ANO2: variants seen among roughly 807,000 people sequenced by gnomAD.
The protein encoded by ANO2 is anoctamin 2.
ANO2 carries 101 observed loss-of-function variants against 124.2 expected under a neutral mutation model. That is an observed-to-expected ratio of 0.81 (90% CI 0.69 to 0.96). The LOEUF is 0.96. ANO2 is among the 40% of genes least tolerant of loss of function. ANO2 has a pLI of 0.00. For synonymous variants in ANO2, 486 were observed against 482.5 expected (o/e 1.01, Z -0.09); for missense variants, 1,293 against 1,274.5 (o/e 1.01, Z -0.22).
Position 5,563,161 on chromosome 12 carries a change from T to C in ANO2, c.*138A>G. On this transcript the variant is annotated 3_prime_UTR_variant, in exon 25 of 25. Transcript: ENST00000682330. Reference sequence around the variant, plus strand: ...CTCATTCTGTCAGGCTCTTTCTTTTTACACACTGCCCCCTCTTCAAGACCC... The same window carrying C: ...CTCATTCTGTCAGGCTCTTTCTTTTCACACACTGCCCCCTCTTCAAGACCC... The C allele has an allele frequency of 8.5e-7, 1 of 1,169,818 alleles. No individual in the cohort carries two copies. The highest frequency in any genetic ancestry group is 1.2e-6 in the Non-Finnish European group (1 of 856,804). 72.5% of individuals were successfully genotyped at this position (1,169,818 alleles called of 1,614,324 possible). A position where few individuals can be genotyped will look rare whatever the true frequency, so the allele number is the denominator to read the frequency against.
At chr12:5,698,664 T>C (rs1327312363) in intron 14 of ANO2, among the ~76,000 whole-genome samples, 1 of 152,192 alleles carries the variant, frequency 6.6e-6, no homozygotes, top group Non-Finnish European at 1.5e-5. Context: ...AAGGAGGATG[T>C]TCGAACCCGT....
intron 14 of ANO2, among the ~76,000 whole-genome samples, chr12:5,663,487 T>A (rs541687090): frequency 6.6e-6 from 1 of 152,086 alleles, no homozygotes. Context: ...GGTCTTAGCA[T>A]TGGAGAGCAG....
intron 3 of ANO2, among the ~76,000 whole-genome samples, chr12:5,887,872 T>TGA (rs1591745451): frequency 6.6e-6 from 1 of 151,924 alleles, no homozygotes; most frequent in Admixed American, 6.6e-5. Context: ...TGAAGTTTTA[T>TGA]GAGAGAGAGA....
chr12:5,816,467 T>C lies in ANO2; in HGVS notation c.893-9099A>G, dbSNP rs1953614147. 2.6e-5 allele frequency among the ~76,000 whole-genome samples: 4 copies of C among 152,074 alleles called. 1 individual carries two copies. On this transcript the variant is annotated intron_variant, in intron 7 of 24. Transcript: ENST00000682330. The stretch of plus-strand genomic sequence containing the variant: ...GAGAAGTAGAGTTCAGTCACATGTC[T>C]CTTGTTACAAAGCTAGTAAGTCCTC...
At chr12:5,701,658 C>T (rs1254197085) in intron 14 of ANO2, among the ~76,000 whole-genome samples, 1 of 152,226 alleles carries the variant, frequency 6.6e-6, no homozygotes, top group Non-Finnish European at 1.5e-5. Flanking sequence ...CCCTCCATGA[C>T]TCCATGTGAC....
rs1394774781 is a variant in ANO2, at chr12:5,812,914, AAAAG to A, written c.893-5550_893-5547del. On this transcript the variant is annotated intron_variant, in intron 7 of 24. Transcript: ENST00000682330. ...AGGAGAAGCAAACAAGCAAGCAAGAAAAAGAAAGAGAGAGAAAGAGAGGAAGGAA... is the reference window on the plus strand; with the variant it reads ...AGGAGAAGCAAACAAGCAAGCAAGAAAAAGAGAGAGAAAGAGAGGAAGGAA... Among the ~76,000 whole-genome samples the A allele has an allele frequency of 6.2e-5, 9 of 144,032 alleles. No individual in the cohort carries two copies. In the South Asian group the frequency reaches 1.2e-3, roughly 20 times the overall value. 94.5% of individuals were successfully genotyped at this position (144,032 alleles called of 152,430 possible). A position where few individuals can be genotyped will look rare whatever the true frequency, so the allele number is the denominator to read the frequency against.
At chr12:5,788,717 C>T (rs1952612836) in intron 10 of ANO2, among the ~76,000 whole-genome samples, 1 of 152,120 alleles carries the variant, frequency 6.6e-6, no homozygotes, top group African/African-American at 2.4e-5. Context: ...CGCCACCACA[C>T]CCAGCTAATT....
At chr12:5,881,394 C>G (rs1565746005) in intron 3 of ANO2, among the ~76,000 whole-genome samples, 1 of 152,154 alleles carries the variant, frequency 6.6e-6, no homozygotes. Flanking sequence ...AGCTGCTGCC[C>G]CTGGAGCCAA....
chr12:5,891,068 T>C (rs771863688), intron 3 of ANO2, among the ~76,000 whole-genome samples: 2 of 152,164 alleles, frequency 1.3e-5, no homozygotes, highest in Non-Finnish European at 2.9e-5. Context: ...TGTGTAGAGA[T>C]CACACATTTC....
intron 16 of ANO2, among the ~76,000 whole-genome samples, chr12:5,615,976 A>G (rs3782596): frequency 0.26 from 38,982 of 151,794 alleles, 5,418 homozygotes; most frequent in African/African-American, 0.35. Flanking sequence ...GTTCTATCAG[A>G]TCCAAGCAGA....
chr12:5,889,186 C>A (rs1939202035), intron 3 of ANO2, among the ~76,000 whole-genome samples: 2 of 152,198 alleles, frequency 1.3e-5, no homozygotes, highest in African/African-American at 2.4e-5. Flanking sequence ...CTCGCGCTGG[C>A]CCCCAAGCGC....
At chr12:5,815,158 T>G (rs1953563870) in intron 7 of ANO2, among the ~76,000 whole-genome samples, 1 of 152,164 alleles carries the variant, frequency 6.6e-6, no homozygotes, top group Non-Finnish European at 1.5e-5. Flanking sequence ...TCACAAAACC[T>G]ACTTTCTAAT....
chr12:5,751,630 A>G (rs1951444557), intron 10 of ANO2, among the ~76,000 whole-genome samples: 1 of 152,202 alleles, frequency 6.6e-6, no homozygotes, highest in South Asian at 2.1e-4. Context: ...ACCCATGAGA[A>G]CATCACCAAT....
At chr12:5,938,106 A>G (rs1942731802) in intron 1 of ANO2, among the ~76,000 whole-genome samples, 1 of 152,174 alleles carries the variant, frequency 6.6e-6, no homozygotes, top group African/African-American at 2.4e-5. Flanking sequence ...CCAAGGACTC[A>G]CGAAGGGTCC....
Position 5,636,582 on chromosome 12 carries a change from T to C in ANO2, c.1621-1235A>G, listed in dbSNP as rs548826661. 3.6e-4 allele frequency among the ~76,000 whole-genome samples: 51 copies of C among 140,158 alleles called. No homozygotes were observed. The highest frequency in any genetic ancestry group is 1.3e-3 in the African/African-American group (50 of 37,818). The allele number at this position is 140,158 out of a possible 152,430, so 91.9% of individuals were successfully genotyped here. Reference sequence around the variant, plus strand: ...AGAAAACAGCAGGTGGAAGGCTCCCTGAAAAAATAAGCTGTGCTGGACTAC... The same window carrying C: ...AGAAAACAGCAGGTGGAAGGCTCCCCGAAAAAATAAGCTGTGCTGGACTAC... On this transcript the variant is annotated intron_variant, in intron 15 of 24. Transcript: ENST00000682330. This position sits in a 1 kb window ranked among gnomAD's most constrained non-coding sequence, Gnocchi z 4.6.
In ANO2 at chr12:5,732,613, C is replaced by G. The variant is rs987438653; in HGVS notation, c.1452G>C (p.Glu484Asp). 5 of 1,613,642 alleles carry G rather than the reference C, an allele frequency of 3.1e-6. No homozygotes were observed. The highest frequency in any genetic ancestry group is 4.2e-6 in the Non-Finnish European group (5 of 1,179,780). ...IEEEEEHSRP[E>D]YETKVREKML... Reference sequence around the variant, plus strand: ...TTTTCTCTCGAACTTTGGTTTCATACTCAGGCCTGGAATGTTCCTAAACCA... The same window carrying G: ...TTTTCTCTCGAACTTTGGTTTCATAGTCAGGCCTGGAATGTTCCTAAACCA... Residue 484 changes from glutamate (E) to aspartate (D), a missense_variant, in exon 14 of 25, where the codon GAG (glutamate) becomes GAC (aspartate). Glu to Asp is a conservative substitution (Grantham distance 45). Coordinates refer to ENST00000682330, the MANE Select transcript of ANO2 (RefSeq NM_001364791.2).
intron 10 of ANO2, among the ~76,000 whole-genome samples, chr12:5,751,988 T>A (rs907378662): frequency 1.3e-5 from 2 of 152,366 alleles, no homozygotes; most frequent in South Asian, 2.1e-4. Context: ...TTTGTGCTTC[T>A]GTGCCTGGCT....
At chr12:5,808,327 C>T (rs902157568) in intron 7 of ANO2, among the ~76,000 whole-genome samples, 1 of 152,220 alleles carries the variant, frequency 6.6e-6, no homozygotes, top group South Asian at 2.1e-4. Flanking sequence ...AACAGAGAAC[C>T]TTCTGCGCAG....
chr12:5,585,999 C>T (rs1242370846), intron 20 of ANO2, among the ~76,000 whole-genome samples: 8 of 152,182 alleles, frequency 5.3e-5, no homozygotes, highest in Non-Finnish European at 1.0e-4. Flanking sequence ...TGAGCAGTAA[C>T]GTTTACTCTG....
Sources: gnomAD v4.1 joint callset for allele counts (sites outside exome capture counted in the v4.1 genomes callset) on GRCh38, gnomAD v4.1.1 for gene constraint, Gnocchi (gnomAD v3.1) non-coding constraint, MANE v1.5 for transcripts, NCBI Gene and HGNC (gene_info 2026-07-23, HGNC 2026-07-21) for gene names.